Variants in ABHD18 observed in about 807,000 individuals in gnomAD.
ABHD18 encodes abhydrolase domain containing 18, also known as cardiolipin-specific deacylase, mitochondrial.
Under a neutral mutation model 65.9 loss-of-function variants are expected in ABHD18, and 55 were observed. That is an observed-to-expected ratio of 0.84 (90% CI 0.67 to 1.05). The LOEUF is 1.05. Ranked by LOEUF, ABHD18 falls within the 50% of genes least tolerant of loss-of-function variation. The probability of loss-of-function intolerance (pLI) is 0.00; values close to 1 mark genes in which losing one functional copy is unlikely to be tolerated. For missense variants in ABHD18, 533 were observed against 558.5 expected, an observed-to-expected ratio of 0.95 and a Z score of 0.46; for synonymous variants, 181 against 180.2, an observed-to-expected ratio of 1.00 and a Z score of -0.04.
In ABHD18 at chr4:127,987,688, A is replaced by C. The variant is rs180738261; in HGVS notation, c.178-2033A>C. Among the ~76,000 whole-genome samples the C allele has an allele frequency of 9.9e-5, 15 of 151,592 alleles. No homozygotes were observed. In the East Asian group the frequency reaches 2.1e-3, roughly 21 times the overall value. The stretch of plus-strand genomic sequence containing the variant: ...GATAGCACTCACTGCACTCCAGCCT[A>C]GGTGACAGAGCAAGACTCAAAAAAA... On this transcript the variant is annotated intron_variant, in intron 3 of 12. Coordinates refer to ENST00000645843, the MANE Select transcript of ABHD18 (RefSeq NM_001358451.3).
In ABHD18 at chr4:128,017,446, T is replaced by C; in HGVS notation, c.554T>C (p.Leu185Pro). ...VLESAALLHWLEREGYGPLGM... is the reference protein window; with the variant it reads ...VLESAALLHWPEREGYGPLGM... ...GAATCTGCAGCTCTCTTGCACTGGC[T>C]AGAGAGGGAAGGTTACGGCCCTTTA... The change falls in exon 8 of 13, where the codon CTA (leucine) becomes CCA (proline). Residue 185 changes from leucine to proline, a missense_variant. This residue lies in a region of ABHD18 where 309 missense variants were observed against 313.5 expected (regional missense o/e 0.99). Coordinates refer to ENST00000645843, the MANE Select transcript of ABHD18 (RefSeq NM_001358451.3). The C allele has an allele frequency of 1.2e-6, 2 of 1,612,856 alleles. No homozygotes were observed. The highest frequency in any genetic ancestry group is 1.7e-6 in the Non-Finnish European group (2 of 1,178,948).
intron 10 of ABHD18, among the ~76,000 whole-genome samples, chr4:128,027,445 G>A (rs2029411): frequency 0.35 from 52,657 of 150,260 alleles, 10,246 homozygotes; most frequent in Middle Eastern, 0.47. Context: ...TCACTCTGTC[G>A]CCCAGGCTGA....
At chr4:127,980,987 T>C (rs551615931) in intron 1 of ABHD18, among the ~76,000 whole-genome samples, 2 of 152,176 alleles carry the variant, frequency 1.3e-5, no homozygotes, top group Non-Finnish European at 2.9e-5. Context: ...ATATGAATTA[T>C]CTGTACCTGT....
chr4:128,032,350 T>C (rs529723453), intron 12 of ABHD18, among the ~76,000 whole-genome samples: 5 of 152,192 alleles, frequency 3.3e-5, no homozygotes, highest in Admixed American at 6.5e-5. Flanking sequence ...ATTGGAATAG[T>C]AGAATTTTTA....
At chr4:127,975,140 T>C (rs1292039463) in intron 1 of ABHD18, among the ~76,000 whole-genome samples, 1 of 152,202 alleles carries the variant, frequency 6.6e-6, no homozygotes, top group Non-Finnish European at 1.5e-5. Context: ...CAGTTTTTTT[T>C]CTTGTGGTAA....
chr4:128,030,511 C>T lies in ABHD18; in HGVS notation c.1182C>T (p.Val394=), dbSNP rs757186587. 3.9e-6 allele frequency: 6 copies of T among 1,540,448 alleles called. No individual in the cohort carries two copies. In the Admixed American group the frequency reaches 7.3e-5, roughly 19 times the overall value. ...AATTTTTAAAAATCCTATACCTAGTCCCAGTTGATCCAAGCCTCATTATAG... is the reference window on the plus strand; with the variant it reads ...AATTTTTAAAAATCCTATACCTAGTTCCAGTTGATCCAAGCCTCATTATAG... ...DECTHVANFS[V]PVDPSLIIVV... Residue 394 remains valine (V), a splice_region_variant and synonymous_variant, in exon 12 of 13, where the codon GTC becomes GTT. Coordinates refer to ENST00000645843, the MANE Select transcript of ABHD18 (RefSeq NM_001358451.3).
intron 6 of ABHD18, among the ~76,000 whole-genome samples, chr4:128,010,972 T>C (rs1164917371): frequency 6.6e-6 from 1 of 151,828 alleles, no homozygotes; most frequent in Non-Finnish European, 1.5e-5. Flanking sequence ...TGTCTGTAGA[T>C]AAAGTAGTTG....
chr4:128,024,835 G>A (rs2149177763), intron 10 of ABHD18, among the ~76,000 whole-genome samples: 1 of 152,166 alleles, frequency 6.6e-6, no homozygotes, highest in South Asian at 2.1e-4. Context: ...TGGGATTACA[G>A]GCATGTGCCA....
chr4:128,018,074 C>T (rs1365653403), intron 8 of ABHD18, among the ~76,000 whole-genome samples: 1 of 152,188 alleles, frequency 6.6e-6, no homozygotes, highest in Non-Finnish European at 1.5e-5. Context: ...GTGCTAGCAT[C>T]TCTCTAGTGC....
intron 6 of ABHD18, among the ~76,000 whole-genome samples, chr4:128,010,904 C>CAA (rs35809796): frequency 0.045 from 2,905 of 65,214 alleles, 115 homozygotes; most frequent in African/African-American, 0.12. Flanking sequence ...GACTGCGCCT[C>CAA]AAAAAAAAAA....
chr4:128,019,636 C>T (rs1361689982), intron 8 of ABHD18, among the ~76,000 whole-genome samples: 1 of 152,196 alleles, frequency 6.6e-6, no homozygotes, highest in East Asian at 1.9e-4. Flanking sequence ...ACACACATTA[C>T]ATTATTTTAG....
At chr4:128,018,191 A>G (rs1280885125) in intron 8 of ABHD18, among the ~76,000 whole-genome samples, 1 of 152,102 alleles carries the variant, frequency 6.6e-6, no homozygotes, top group East Asian at 1.9e-4. Flanking sequence ...GTAACTTTTT[A>G]CTGTACTTTA....
intron 4 of ABHD18, among the ~76,000 whole-genome samples, chr4:127,998,281 C>CTTTTTTTTTTTT (rs993883974): frequency 8.3e-6 from 1 of 119,838 alleles, no homozygotes; most frequent in African/African-American, 3.0e-5. Flanking sequence ...CAAGACGTTT[C>CTTTTTTTTTTTT]TTTTTTTTTT....
At chr4:128,026,789 C>CTT (rs1389977770) in intron 10 of ABHD18, among the ~76,000 whole-genome samples, 3 of 142,298 alleles carry the variant, frequency 2.1e-5, no homozygotes, top group Admixed American at 7.1e-5. Context: ...TTTTCTTTTT[C>CTT]TTTTTTTTTT....
chr4:127,987,869 A>T (rs1309602934), intron 3 of ABHD18, among the ~76,000 whole-genome samples: 2 of 152,176 alleles, frequency 1.3e-5, no homozygotes, highest in African/African-American at 4.8e-5. Context: ...AATTTCAATT[A>T]AAGTATTGAA....
chr4:128,033,140 G>GCTA (rs1403078859), intron 12 of ABHD18, among the ~76,000 whole-genome samples: 1 of 152,062 alleles, frequency 6.6e-6, no homozygotes, highest in Non-Finnish European at 1.5e-5. Flanking sequence ...TGTAGTCCCA[G>GCTA]CTACTGCAGA....
chr4:128,008,122 C>T (rs376651217), intron 4 of ABHD18, among the ~76,000 whole-genome samples: 302 of 151,862 alleles, frequency 2.0e-3, no homozygotes, highest in African/African-American at 7.0e-3. Flanking sequence ...ATTAACCAGG[C>T]GCAGTGGTGT....
intron 9 of ABHD18, 129 bp downstream of exon 9, chr4:128,020,298 A>G: frequency 1.5e-6 from 1 of 660,124 alleles, no homozygotes; most frequent in African/African-American, 1.8e-5. Flanking sequence ...ATATAGTCGT[A>G]ATCATGATTA....
At position 127,999,615 on chromosome 4, in the gene ABHD18, T is replaced by G. The variant is rs189150022; in HGVS notation, c.279-9305T>G. Among the ~76,000 whole-genome samples, 824 of 152,318 alleles carry G rather than the reference T, an allele frequency of 5.4e-3. 7 individuals are homozygous for G. Among genetic ancestry groups the G allele is most frequent in the African/African-American group, 0.019 (777 of 41,584 alleles). ...TTTTGAAGGCTGCCTATTTGTATCT[T>G]TTTCCTGTTTTTTAGTGAGGTTATT... On this transcript the variant is annotated intron_variant, in intron 4 of 12. Transcript: ENST00000645843.
Sources: gnomAD v4.1 joint callset for allele counts (sites outside exome capture counted in the v4.1 genomes callset) on GRCh38, gnomAD v4.1.1 for gene constraint, gnomAD v4.1.1 regional missense constraint, MANE v1.5 for transcripts, NCBI Gene and HGNC (gene_info 2026-07-23, HGNC 2026-07-21) for gene names.